The following OCA2 variants were observed in gnomAD, a reference collection of about 807,000 sequenced individuals.
OCA2 encodes the protein OCA2 melanosomal transmembrane protein, also known as P protein.
Under a neutral mutation model 100.2 loss-of-function variants are expected in OCA2, and 77 were observed. That is an observed-to-expected ratio of 0.77 (90% CI 0.64 to 0.93). The LOEUF (loss-of-function observed/expected upper bound fraction) is 0.93, where lower values mean the gene tolerates loss of function less well. Among genes scored for constraint, OCA2 ranks in the 40% least tolerant of loss-of-function variants. The pLI is 0.00. For missense variants in OCA2, 1,062 were observed against 1,089.1 expected (o/e 0.98, Z 0.35); for synonymous variants, 432 against 439.2 (o/e 0.98, Z 0.21).
At chr15:27,977,408 C>T (rs1042449337) in intron 14 of OCA2, among the ~76,000 whole-genome samples, 1 of 152,072 alleles carries the variant, frequency 6.6e-6, no homozygotes, top group Non-Finnish European at 1.5e-5. Flanking sequence ...GACTAGCACA[C>T]GTGGAGCTGG....
intron 19 of OCA2, among the ~76,000 whole-genome samples, chr15:27,882,934 G>C (rs2037079350): frequency 1.3e-5 from 2 of 152,318 alleles, no homozygotes; most frequent in South Asian, 2.1e-4. Context: ...TCAGATACCT[G>C]TATGGATGGT....
chr15:27,824,230 TGGTGGCA>T (rs1198323853), intron 23 of OCA2, among the ~76,000 whole-genome samples: 1 of 152,046 alleles, frequency 6.6e-6, no homozygotes, highest in South Asian at 2.1e-4. Context: ...TAGCTGGGCA[TGGTGGCA>T]GGTGCCTGTA....
chr15:27,862,567 TG>T (rs1363904854), intron 21 of OCA2, among the ~76,000 whole-genome samples: 20 of 150,146 alleles, frequency 1.3e-4, no homozygotes, highest in Admixed American at 4.0e-4. Context: ...CTCCGCCCCC[TG>T]GGTTCAAGCC....
chr15:28,044,517 C>T (rs1461576682), intron 2 of OCA2, among the ~76,000 whole-genome samples: 1 of 152,210 alleles, frequency 6.6e-6, no homozygotes, highest in Admixed American at 6.5e-5. Flanking sequence ...TAGCACATTT[C>T]TCTGCAGATG....
rs2140707305 is a variant in OCA2, at chr15:27,957,783, T to C, written c.1637-48A>G. The C allele has an allele frequency of 1.2e-6, 2 of 1,606,752 alleles. No individual in the cohort carries two copies. The highest frequency in any genetic ancestry group is 2.2e-5 in the East Asian group (1 of 44,806). ...CTTGGGTCTCCCATGACCTCAGATA[T>C]CAGCAACACCCTCCTCTGTTCCCCA... is the stretch of plus-strand genomic sequence containing the variant. On this transcript the variant is annotated intron_variant, in intron 15 of 23. Coordinates refer to ENST00000354638, the MANE Select transcript of OCA2 (RefSeq NM_000275.3). The surrounding 1 kb of genome is among the most constrained non-coding windows in gnomAD (Gnocchi z 4.3).
chr15:27,758,570 A>G (rs951548291), intron 23 of OCA2, among the ~76,000 whole-genome samples: 5 of 152,236 alleles, frequency 3.3e-5, no homozygotes, highest in Non-Finnish European at 7.3e-5. Flanking sequence ...GCTACCATAA[A>G]AATTCTTCAA....
chr15:27,852,468 C>A (rs2035790134), intron 21 of OCA2, among the ~76,000 whole-genome samples: 1 of 152,130 alleles, frequency 6.6e-6, no homozygotes, highest in African/African-American at 2.4e-5. Context: ...ACCATAAAAA[C>A]CCTAGAAGAA....
chr15:27,758,122 G>A (rs148159134), intron 23 of OCA2, among the ~76,000 whole-genome samples: 1 of 152,266 alleles, frequency 6.6e-6, no homozygotes, highest in African/African-American at 2.4e-5. Flanking sequence ...CAGATCAGCT[G>A]GGGATCTTGG....
intron 8 of OCA2, 96 bp from the exon 9 acceptor site, chr15:28,015,025 A>G: frequency 1.5e-6 from 2 of 1,306,502 alleles, no homozygotes; most frequent in Non-Finnish European, 2.2e-6. Flanking sequence ...TGCAAATGGA[A>G]CAATTCAGCC....
At chr15:28,001,447 A>C (rs983170676) in intron 9 of OCA2, among the ~76,000 whole-genome samples, 1 of 152,120 alleles carries the variant, frequency 6.6e-6, no homozygotes, top group Non-Finnish European at 1.5e-5. Flanking sequence ...TCAGGGGTGG[A>C]AGGAGAGGAG....
chr15:27,963,652 A>T (rs1028128258), intron 15 of OCA2, among the ~76,000 whole-genome samples: 4 of 152,140 alleles, frequency 2.6e-5, no homozygotes, highest in African/African-American at 9.6e-5. Flanking sequence ...CTAAAGGCCT[A>T]TATTAGAAAA....
intron 23 of OCA2, among the ~76,000 whole-genome samples, chr15:27,772,725 C>T (rs2031956782): frequency 6.6e-6 from 1 of 151,922 alleles, no homozygotes; most frequent in South Asian, 2.1e-4. Context: ...CCTGTAGTCC[C>T]AGCTCCTTGG....
intron 18 of OCA2, among the ~76,000 whole-genome samples, chr15:27,934,058 A>G (rs1234589029): frequency 6.6e-6 from 1 of 152,162 alleles, no homozygotes; most frequent in African/African-American, 2.4e-5. Flanking sequence ...CTTTATATGC[A>G]TACACAATTT....
intron 2 of OCA2, among the ~76,000 whole-genome samples, chr15:28,078,574 C>T (rs972637761): frequency 4.6e-5 from 7 of 152,210 alleles, no homozygotes; most frequent in Admixed American, 4.6e-4. Flanking sequence ...CATCCAACAG[C>T]CCAGGAAGAA....
the OCA2 span, among the ~76,000 whole-genome samples, chr15:27,730,732 AATATAT>A: frequency 0.11 from 10,879 of 100,314 alleles, 652 homozygotes; most frequent in Non-Finnish European, 0.17. Flanking sequence ...AAAAAGACCA[AATATAT>A]ATATATATAT....
intron 23 of OCA2, among the ~76,000 whole-genome samples, chr15:27,829,990 G>C (rs1350518943): frequency 6.6e-6 from 1 of 152,154 alleles, no homozygotes; most frequent in African/African-American, 2.4e-5. Flanking sequence ...TAATTCTCTT[G>C]ATGTTATTTT....
At chr15:28,003,930 T>C (rs1369646639) in intron 9 of OCA2, among the ~76,000 whole-genome samples, 2 of 152,222 alleles carry the variant, frequency 1.3e-5, no homozygotes, top group Non-Finnish European at 2.9e-5. Context: ...CTGAGAGTGA[T>C]GCGAAACCGA....
At chr15:27,981,190 G>A (rs1271573143) in intron 14 of OCA2, among the ~76,000 whole-genome samples, 1 of 152,142 alleles carries the variant, frequency 6.6e-6, no homozygotes, top group African/African-American at 2.4e-5. Context: ...TGTTTGATGT[G>A]GGGCTTTTTT....
intron 19 of OCA2, among the ~76,000 whole-genome samples, chr15:27,882,496 A>G (rs2037061184): frequency 6.6e-6 from 1 of 152,184 alleles, no homozygotes; most frequent in Admixed American, 6.5e-5. Context: ...TAGTTATAAA[A>G]GCTACTTTAA....
Sources: gnomAD v4.1 joint callset for allele counts (sites outside exome capture counted in the v4.1 genomes callset) on GRCh38, gnomAD v4.1.1 for gene constraint, Gnocchi (gnomAD v3.1) non-coding constraint, MANE v1.5 for transcripts, NCBI Gene and HGNC (gene_info 2026-07-23, HGNC 2026-07-21) for gene names.